Variants in C1orf115 observed in about 807,000 individuals in gnomAD.
C1orf115 encodes the protein required for drug-induced death protein 1.
A neutral mutation model predicts 12.5 loss-of-function variants in C1orf115; 14 were observed. That is an observed-to-expected ratio of 1.12 (90% CI 0.74 to 1.75). The LOEUF (loss-of-function observed/expected upper bound fraction) is 1.75, where lower values mean the gene tolerates loss of function less well. Ranked by LOEUF, C1orf115 falls within the 40% of genes most tolerant of loss-of-function variation. C1orf115 has a pLI of 0.00. For synonymous variants in C1orf115, 109 were observed against 104.6 expected (o/e 1.04, Z -0.26); for missense variants, 237 against 220.8 (o/e 1.07, Z -0.46).
intron 1 of C1orf115, among the ~76,000 whole-genome samples, chr1:220,695,782 G>A (rs1005894396): frequency 5.3e-5 from 8 of 152,160 alleles, no homozygotes; most frequent in Admixed American, 2.0e-4. Context: ...GAGAGACAAG[G>A]TATGTGGCCT....
intron 1 of C1orf115, among the ~76,000 whole-genome samples, chr1:220,692,570 C>A (rs954874134): frequency 1.3e-5 from 2 of 152,094 alleles, no homozygotes; most frequent in East Asian, 1.9e-4. Context: ...CGTATGATTC[C>A]ATTTGTATGG....
Position 220,690,598 on chromosome 1 carries a change from G to A in C1orf115, c.196G>A (p.Ala66Thr). ...CGAGCGGGGCCCGGGGACCCGGGGC[G>A]CGCGGAGGGTGCACTTCGCCCTCCT... ...ADERGPGTRGARRVHFALLPE... is the reference protein window; with the variant it reads ...ADERGPGTRGTRRVHFALLPE... Residue 66 changes from alanine to threonine, a missense_variant, in exon 1 of 2, where the codon GCG (alanine) becomes ACG (threonine). Transcript: ENST00000294889. The A allele has an allele frequency of 6.6e-7, 1 of 1,518,804 alleles. No homozygotes were observed. Among genetic ancestry groups the A allele is most frequent in the South Asian group, 1.2e-5 (1 of 81,660 alleles). The allele number at this position is 1,518,804 out of a possible 1,614,324, so 94.1% of individuals were successfully genotyped here.
chr1:220,690,738 G>A (rs1182291440), intron 1 of C1orf115, 27 bp downstream of exon 1: 4 of 1,555,166 alleles, frequency 2.6e-6, no homozygotes, highest in Non-Finnish European at 3.5e-6. Flanking sequence ...ACCACTGCCC[G>A]GGGGGCGCGG....
chr1:220,696,304 AG>A (rs1670193018), intron 1 of C1orf115, among the ~76,000 whole-genome samples: 1 of 152,224 alleles, frequency 6.6e-6, no homozygotes, highest in African/African-American at 2.4e-5. Context: ...AAACTGCTTT[AG>A]TTTTAGAATT....
rs1670226611 is a variant in C1orf115, at chr1:220,698,536, G to A, written c.*1805G>A. ...CCCACAACACTGGGTGTTGGAGAAA[G>A]GGAGAGATAGTCATAAGTGGAAGAA... On this transcript the variant is annotated 3_prime_UTR_variant, in exon 2 of 2. Transcript: ENST00000294889. The A allele has an allele frequency of 6.6e-6, 1 of 152,228 alleles. No individual in the cohort carries two copies. The highest frequency in any genetic ancestry group is 2.4e-5 in the African/African-American group (1 of 41,444). 9.4% of individuals were successfully genotyped at this position (152,228 alleles called of 1,614,324 possible). A position where few individuals can be genotyped will look rare whatever the true frequency, so the allele number is the denominator to read the frequency against.
At position 220,690,636 on chromosome 1, in the gene C1orf115, C is replaced by A; in HGVS notation, c.234C>A (p.Tyr78Ter). The A allele has an allele frequency of 6.4e-7, 1 of 1,569,878 alleles. No homozygotes were observed. Among genetic ancestry groups the A allele is most frequent in the Middle Eastern group, 2.0e-4 (1 of 4,930 alleles). ...RVHFALLPERYEPLEEPAPSE... is the reference protein window; with the variant it reads ...RVHFALLPER The stretch of plus-strand genomic sequence containing the variant: ...ACTTCGCCCTCCTGCCCGAGCGCTA[C>A]GAGCCACTGGAGGAGCCGGCGCCGA... Residue 78 changes from tyrosine to a stop codon, truncating the protein, a stop_gained, in exon 1 of 2, where the codon TAC (tyrosine) becomes TAA (stop). Transcript: ENST00000294889. LOFTEE classifies it high-confidence loss of function.
intron 1 of C1orf115, among the ~76,000 whole-genome samples, chr1:220,691,038 C>T (rs551957165): frequency 6.6e-6 from 1 of 152,116 alleles, no homozygotes; most frequent in Non-Finnish European, 1.5e-5. Flanking sequence ...AATACTGAAG[C>T]GTTAGCGCGG....
At chr1:220,691,919 TC>T (rs1572267871) in intron 1 of C1orf115, among the ~76,000 whole-genome samples, 1 of 151,702 alleles carries the variant, frequency 6.6e-6, no homozygotes, top group South Asian at 2.1e-4. Flanking sequence ...CATAGCTGGC[TC>T]CCCCCGCCCC....
intron 1 of C1orf115, among the ~76,000 whole-genome samples, chr1:220,691,120 C>T (rs533919993): frequency 6.6e-6 from 1 of 152,208 alleles, no homozygotes; most frequent in Non-Finnish European, 1.5e-5. Flanking sequence ...TTTCCAGTAA[C>T]ATCCCCTCCA....
In C1orf115 at chr1:220,690,464, G is replaced by A. The variant is rs1443320732; in HGVS notation, c.62G>A (p.Arg21Gln). 12 of 1,440,722 alleles carry A rather than the reference G, an allele frequency of 8.3e-6. No individual in the cohort carries two copies. In the Admixed American group the frequency reaches 1.8e-4, roughly 22 times the overall value. The allele number at this position is 1,440,722 out of a possible 1,614,324, so 89.2% of individuals were successfully genotyped here. Residue 21 changes from arginine (R) to glutamine (Q), a missense_variant, in exon 1 of 2, where the codon CGA becomes CAA. By Grantham distance (43) the Arg-to-Gln change is conservative. Coordinates refer to ENST00000294889, the MANE Select transcript of C1orf115 (RefSeq NM_024709.5). ...AGCAGCCTCCTGCGCCGCGGGCCCCGAGGGCGAGGGCGAACCGAGGGGGAC... is the reference window on the plus strand; with the variant it reads ...AGCAGCCTCCTGCGCCGCGGGCCCCAAGGGCGAGGGCGAACCGAGGGGGAC... ...AESSLLRRGP[R>Q]GRGRTEGDEE...
At position 220,690,516 on chromosome 1, in the gene C1orf115, C is replaced by T. The variant is rs764396656; in HGVS notation, c.114C>T (p.His38=). The part of the protein sequence containing the change: ...GDEEAAAILE[H]LEYADEAEAA... ...AGGAGGCGGCCGCCATCCTGGAGCA[C>T]CTGGAGTACGCGGACGAGGCGGAGG... The change falls in exon 1 of 2, where the codon CAC becomes CAT. Residue 38 remains histidine (H), a synonymous_variant. Transcript: ENST00000294889. 361 of 1,440,500 alleles carry T rather than the reference C, an allele frequency of 2.5e-4. 4 individuals carry two copies. The East Asian group carries it at 0.01, about 41-fold the overall frequency. 89.2% of individuals were successfully genotyped at this position (1,440,500 alleles called of 1,614,324 possible).
At chr1:220,693,375 G>A (rs1031749859) in intron 1 of C1orf115, among the ~76,000 whole-genome samples, 5 of 152,152 alleles carry the variant, frequency 3.3e-5, no homozygotes, top group Non-Finnish European at 7.3e-5. Flanking sequence ...AAAATGTCAC[G>A]TTTAATGCAG....
rs59862879 is a variant in C1orf115 at position 220,693,762 on chromosome 1, G to C, written c.310-2850G>C. Among the ~76,000 whole-genome samples the C allele has an allele frequency of 4.3e-3, 651 of 152,264 alleles. 3 individuals carry two copies. The highest frequency in any genetic ancestry group is 0.014 in the African/African-American group (577 of 41,548). ...GAGTCCCTGCCCTCCTTCTGTTACT[G>C]TGAGGGACCCTGTAATTTAAACTAT... On this transcript the variant is annotated intron_variant, in intron 1 of 1. Transcript: ENST00000294889.
intron 1 of C1orf115, among the ~76,000 whole-genome samples, chr1:220,691,013 C>T (rs1400721803): frequency 1.3e-5 from 2 of 152,164 alleles, no homozygotes; most frequent in African/African-American, 4.8e-5. Context: ...AATCAGTTTC[C>T]TGATTACAGA....
chr1:220,690,711 G>A lies in C1orf115; in HGVS notation c.309G>A (p.Lys103=), dbSNP rs1348968310. ...RYRRKLKKYG[K]NVGKVIIKGC... ...GGAGGAAGCTGAAGAAGTACGGCAA[G>A]GTAGGGGCCCTGCGCCACCACTGCC... The change falls in exon 1 of 2, where the codon AAG becomes AAA. Residue 103 remains lysine (K), a splice_region_variant and synonymous_variant. Transcript: ENST00000294889. The A allele has an allele frequency of 2.5e-6, 4 of 1,584,644 alleles. No individual in the cohort carries two copies. Among genetic ancestry groups the A allele is most frequent in the Non-Finnish European group, 3.4e-6 (4 of 1,167,024 alleles).
intron 1 of C1orf115, among the ~76,000 whole-genome samples, chr1:220,691,839 T>C (rs1247436322): frequency 6.6e-6 from 1 of 152,044 alleles, no homozygotes; most frequent in Non-Finnish European, 1.5e-5. Flanking sequence ...TGCTGAGCAG[T>C]AGAGATGCGA....
intron 1 of C1orf115, among the ~76,000 whole-genome samples, 189 bp downstream of exon 1, chr1:220,690,900 G>C (rs904894571): frequency 2.6e-5 from 4 of 152,108 alleles, no homozygotes; most frequent in Admixed American, 2.6e-4. Flanking sequence ...CTTAAATCGG[G>C]GGTTGCGCTG....
In C1orf115 at chr1:220,690,502, G is replaced by A; in HGVS notation, c.100G>A (p.Ala34Thr). The stretch of plus-strand genomic sequence containing the variant: ...AACCGAGGGGGACGAGGAGGCGGCC[G>A]CCATCCTGGAGCACCTGGAGTACGC... ...GRTEGDEEAA[A>T]ILEHLEYADE... Residue 34 changes from alanine (A) to threonine (T), a missense_variant, in exon 1 of 2, where the codon GCC (alanine) becomes ACC (threonine). Coordinates refer to ENST00000294889, the MANE Select transcript of C1orf115 (RefSeq NM_024709.5). 6 of 1,433,246 alleles carry A rather than the reference G, an allele frequency of 4.2e-6. No homozygotes were observed. The highest frequency in any genetic ancestry group is 3.2e-5 in the Admixed American group (1 of 31,120). 88.8% of individuals were successfully genotyped at this position (1,433,246 alleles called of 1,614,324 possible).
At chr1:220,693,253 A>C (rs1198068773) in intron 1 of C1orf115, among the ~76,000 whole-genome samples, 3 of 152,248 alleles carry the variant, frequency 2.0e-5, no homozygotes, top group Non-Finnish European at 4.4e-5. Flanking sequence ...CTGTGTTTTT[A>C]ACAGTGTTCC....
Sources: gnomAD v4.1 joint callset for allele counts (sites outside exome capture counted in the v4.1 genomes callset) on GRCh38, gnomAD v4.1.1 for gene constraint, MANE v1.5 for transcripts, NCBI Gene and HGNC (gene_info 2026-07-23, HGNC 2026-07-21) for gene names.